The following SMYD3 variants were observed in gnomAD, a reference collection of about 807,000 sequenced individuals.
SMYD3 encodes SET and MYND domain containing 3, also known as histone-lysine N-methyltransferase SMYD3.
In SMYD3, 36 loss-of-function variants were observed where a neutral mutation model predicts 57.7. That is an observed-to-expected ratio of 0.62 (90% CI 0.48 to 0.82). The LOEUF (loss-of-function observed/expected upper bound fraction) is 0.82. Among genes scored for constraint, SMYD3 ranks in the 40% least tolerant of loss-of-function variants. The pLI is 0.00. For missense variants in SMYD3, 515 were observed against 538.8 expected, an observed-to-expected ratio of 0.96 and a Z score of 0.44; for synonymous variants, 211 against 195.0, an observed-to-expected ratio of 1.08 and a Z score of -0.68.
At chr1:246,121,516 T>C (rs1440129126) in intron 5 of SMYD3, among the ~76,000 whole-genome samples, 1 of 149,826 alleles carries the variant, frequency 6.7e-6, no homozygotes, top group African/African-American at 2.5e-5. Context: ...CCAAAATTCA[T>C]CTAAATGTCT....
At chr1:246,297,481 G>T (rs2064817673) in intron 5 of SMYD3, among the ~76,000 whole-genome samples, 1 of 152,082 alleles carries the variant, frequency 6.6e-6, no homozygotes, top group Non-Finnish European at 1.5e-5. Context: ...CCAAGAATTT[G>T]TCTTATATTC....
intron 5 of SMYD3, among the ~76,000 whole-genome samples, chr1:245,952,230 C>G (rs957942596): frequency 2.0e-5 from 3 of 151,940 alleles, no homozygotes; most frequent in African/African-American, 7.3e-5. Context: ...AAAAATTAAC[C>G]AAAGCATTAT....
At chr1:246,167,817 T>C (rs2062248261) in intron 5 of SMYD3, among the ~76,000 whole-genome samples, 1 of 152,204 alleles carries the variant, frequency 6.6e-6, no homozygotes, top group South Asian at 2.1e-4. Flanking sequence ...AGCCTCATTG[T>C]GGTTTTGATT....
intron 10 of SMYD3, among the ~76,000 whole-genome samples, chr1:245,857,532 C>T (rs147215043): frequency 2.7e-3 from 105 of 39,176 alleles, no homozygotes; most frequent in African/African-American, 4.5e-3. Context: ...TTTGGGCTGA[C>T]ATGGTATTTG....
intron 1 of SMYD3, among the ~76,000 whole-genome samples, chr1:246,495,942 G>C (rs2068353425): frequency 6.6e-6 from 1 of 150,976 alleles, no homozygotes. Context: ...TCCAGCCTGG[G>C]TGACAGTGAG....
chr1:245,817,213 C>G (rs1011001589), intron 10 of SMYD3, among the ~76,000 whole-genome samples: 1 of 146,692 alleles, frequency 6.8e-6, no homozygotes, highest in African/African-American at 2.6e-5. Context: ...AACGGGCAGA[C>G]TGCCTCCTCA....
intron 5 of SMYD3, among the ~76,000 whole-genome samples, chr1:246,005,346 C>G (rs961457484): frequency 3.9e-5 from 6 of 152,346 alleles, no homozygotes; most frequent in African/African-American, 1.4e-4. Flanking sequence ...ACGCTTACAG[C>G]TGGAAGACCA....
chr1:246,044,004 T>A (rs1210228121), intron 5 of SMYD3, among the ~76,000 whole-genome samples: 2 of 152,220 alleles, frequency 1.3e-5, no homozygotes, highest in African/African-American at 4.8e-5. Context: ...CGCACGTGGT[T>A]CCTGGTGTGG....
intron 5 of SMYD3, among the ~76,000 whole-genome samples, chr1:246,045,348 C>T (rs1007043800): frequency 1.3e-5 from 2 of 152,138 alleles, no homozygotes; most frequent in Non-Finnish European, 2.9e-5. Context: ...ACTATCTCAT[C>T]TTTGACAAAC....
chr1:246,151,337 T>C (rs2061938696), intron 5 of SMYD3, among the ~76,000 whole-genome samples: 2 of 152,202 alleles, frequency 1.3e-5, no homozygotes, highest in Non-Finnish European at 2.9e-5. Context: ...GCAGGATAGA[T>C]GGACTTCCTG....
chr1:246,452,428 T>C (rs2067645866), intron 1 of SMYD3, among the ~76,000 whole-genome samples: 1 of 152,066 alleles, frequency 6.6e-6, no homozygotes, highest in Non-Finnish European at 1.5e-5. Flanking sequence ...TTTGAACTCG[T>C]TTGGGAGGTG....
chr1:245,836,470 T>C lies in SMYD3; in HGVS notation c.1076+22026A>G, dbSNP rs116563219. Among the ~76,000 whole-genome samples the C allele has an allele frequency of 6.1e-3, 932 of 152,318 alleles. 7 individuals are homozygous for C. Among genetic ancestry groups the C allele is most frequent in the African/African-American group, 0.021 (880 of 41,556 alleles). On this transcript the variant is annotated intron_variant, in intron 10 of 11. Coordinates refer to ENST00000490107, the MANE Select transcript of SMYD3 (RefSeq NM_001167740.2). ...TTCTTGAGAGAGGAGTCTGTGTTTA[T>C]GAAGGTTAATTCCAGGCTCAGCCAA...
chr1:246,411,525 C>T (rs1268986449), intron 1 of SMYD3, among the ~76,000 whole-genome samples: 1 of 152,128 alleles, frequency 6.6e-6, no homozygotes, highest in Non-Finnish European at 1.5e-5. Context: ...CACACGCACA[C>T]ATATGTTTAT....
chr1:246,189,892 A>C (rs1387096123), intron 5 of SMYD3, among the ~76,000 whole-genome samples: 1 of 152,256 alleles, frequency 6.6e-6, no homozygotes, highest in Non-Finnish European at 1.5e-5. Context: ...CGTGTCTCTA[A>C]AAGCAACATG....
chr1:245,928,087 A>T, intron 6 of SMYD3, 54 bp from the exon 7 acceptor site: 1 of 1,437,142 alleles, frequency 7.0e-7, no homozygotes, highest in African/African-American at 1.4e-5. Flanking sequence ...GAGTCAACTA[A>T]ATTTAACAAA....
At chr1:246,016,254 T>A (rs77590601) in intron 5 of SMYD3, among the ~76,000 whole-genome samples, 15 of 134,252 alleles carry the variant, frequency 1.1e-4, no homozygotes, top group East Asian at 7.0e-4. Flanking sequence ...AAAAAAAAAA[T>A]AGAATAGTAA....
chr1:246,058,447 G>C (rs906236751), intron 5 of SMYD3, among the ~76,000 whole-genome samples: 1 of 152,214 alleles, frequency 6.6e-6, no homozygotes, highest in Non-Finnish European at 1.5e-5. Flanking sequence ...TGGAAACTAT[G>C]AATGATGAAA....
intron 5 of SMYD3, among the ~76,000 whole-genome samples, chr1:246,083,424 T>C (rs139640771): frequency 0.035 from 5,339 of 151,972 alleles, 124 homozygotes; most frequent in Middle Eastern, 0.13. Flanking sequence ...CTCCCCACTA[T>C]TACCCTATTG....
intron 1 of SMYD3, among the ~76,000 whole-genome samples, chr1:246,469,149 T>C (rs1196985831): frequency 6.6e-6 from 1 of 152,216 alleles, no homozygotes; most frequent in Non-Finnish European, 1.5e-5. Flanking sequence ...GCCAGTCTCC[T>C]TGGCCACTCA....
Sources: gnomAD v4.1 joint callset for allele counts (sites outside exome capture counted in the v4.1 genomes callset) on GRCh38, gnomAD v4.1.1 for gene constraint, MANE v1.5 for transcripts, NCBI Gene and HGNC (gene_info 2026-07-23, HGNC 2026-07-21) for gene names.